The following SQOR variants were observed in gnomAD, a reference collection of about 807,000 sequenced individuals.
SQOR encodes the protein sulfide:quinone oxidoreductase, mitochondrial.
In SQOR, 39 loss-of-function variants were observed where a neutral mutation model predicts 48.6. The observed-to-expected ratio is 0.80, with a 90% CI of 0.62 to 1.05. The LOEUF (loss-of-function observed/expected upper bound fraction) is 1.05, where lower values mean the gene tolerates loss of function less well. Ranked by LOEUF, SQOR falls within the 50% of genes least tolerant of loss-of-function variation. The pLI, the probability that SQOR is intolerant of heterozygous loss-of-function variation, is 0.00. For synonymous variants in SQOR, 220 were observed against 206.2 expected (o/e 1.07, Z -0.57); for missense variants, 561 against 559.9 (o/e 1.00, Z -0.02).
In SQOR at chr15:45,673,647, G is replaced by A; in HGVS notation, c.500G>A (p.Gly167Glu). 6.2e-7 allele frequency: 1 copy of A among 1,614,146 alleles called. No individual in the cohort carries two copies. Among genetic ancestry groups the A allele is most frequent in the Non-Finnish European group, 8.5e-7 (1 of 1,180,024 alleles). The change falls in exon 5 of 10, where the codon GGG becomes GAG. Residue 167 changes from glycine to glutamate, a missense_variant. Coordinates refer to ENST00000260324, the MANE Select transcript of SQOR (RefSeq NM_021199.4). Reference protein sequence around the residue: ...LPEGFAHPKIGSNYSVKTVEK... With the variant: ...LPEGFAHPKIESNYSVKTVEK... ...GAAGGTTTCGCTCATCCCAAAATAG[G>A]GTCGAATTATTCAGTTAAGACTGTA...
intron 6 of SQOR, among the ~76,000 whole-genome samples, chr15:45,680,806 A>G (rs550756808): frequency 6.6e-6 from 1 of 152,282 alleles, no homozygotes; most frequent in East Asian, 1.9e-4. Context: ...ATATGAAAGT[A>G]TTTAGCTTTT....
chr15:45,643,952 A>G (rs1310448605), intron 1 of SQOR, among the ~76,000 whole-genome samples: 2 of 152,238 alleles, frequency 1.3e-5, no homozygotes, highest in Non-Finnish European at 2.9e-5. Context: ...TTACTGCCTT[A>G]AAAACTCAAA....
rs188827067 is a variant in SQOR, at chr15:45,664,744, C to G, written c.405+2619C>G. 3.9e-5 allele frequency among the ~76,000 whole-genome samples: 6 copies of G among 152,182 alleles called. No homozygotes were observed. In the East Asian group the frequency reaches 1.2e-3, roughly 29 times the overall value. On this transcript the variant is annotated intron_variant, in intron 3 of 9. Transcript: ENST00000260324. ...CATGACCCACGATCAAGTCAGGCTT[C>G]CCCCATCCTGAAAAAGTATAGTTGT...
At chr15:45,680,777 C>G (rs1890113106) in intron 6 of SQOR, among the ~76,000 whole-genome samples, 1 of 152,086 alleles carries the variant, frequency 6.6e-6, no homozygotes. Flanking sequence ...AGGTAAAACT[C>G]CATACCTTTA....
intron 1 of SQOR, among the ~76,000 whole-genome samples, chr15:45,641,671 C>A (rs1895106411): frequency 6.6e-6 from 1 of 152,158 alleles, no homozygotes; most frequent in South Asian, 2.1e-4. Context: ...CAGAGGTGTG[C>A]CAAGAGGAAG....
chr15:45,651,037 A>G (rs920757500), intron 1 of SQOR, among the ~76,000 whole-genome samples: 1 of 151,944 alleles, frequency 6.6e-6, no homozygotes, highest in African/African-American at 2.4e-5. Context: ...TGGGCGGTCA[A>G]TGGGACAGGG....
chr15:45,633,390 T>C (rs1894932587), upstream of SQOR, among the ~76,000 whole-genome samples: 1 of 152,168 alleles, frequency 6.6e-6, no homozygotes, highest in Non-Finnish European at 1.5e-5. Context: ...ACCAGAGTTA[T>C]TTGCCATTTC....
chr15:45,652,672 C>T (rs72715010), intron 1 of SQOR, among the ~76,000 whole-genome samples: 11,318 of 99,692 alleles, frequency 0.11, 638 homozygotes, highest in Middle Eastern at 0.32. Flanking sequence ...TTTGCCTTCT[C>T]GTTAAGATTG....
chr15:45,658,641 T>C (rs1374032542), intron 1 of SQOR, among the ~76,000 whole-genome samples: 2 of 151,924 alleles, frequency 1.3e-5, no homozygotes, highest in East Asian at 1.9e-4. Flanking sequence ...ACTTAAAGAG[T>C]TGGGGAACCT....
chr15:45,638,179 A>C (rs1369299303), intron 1 of SQOR, among the ~76,000 whole-genome samples: 1 of 152,262 alleles, frequency 6.6e-6, no homozygotes. Flanking sequence ...GAAATTTAGA[A>C]CACACTGGGA....
intron 7 of SQOR, among the ~76,000 whole-genome samples, 194 bp downstream of exon 7, chr15:45,682,855 C>T (rs561424124): frequency 6.6e-6 from 1 of 152,092 alleles, no homozygotes; most frequent in South Asian, 2.1e-4. Flanking sequence ...TGGTGAAACC[C>T]CGTCTCTACT....
chr15:45,650,413 G>A (rs567345435), intron 1 of SQOR, among the ~76,000 whole-genome samples: 6 of 152,270 alleles, frequency 3.9e-5, no homozygotes, highest in South Asian at 2.1e-4. Context: ...TGGTGGGTTC[G>A]TGGTCTCCCT....
At chr15:45,648,728 A>G (rs1889402205) in intron 1 of SQOR, among the ~76,000 whole-genome samples, 2 of 152,224 alleles carry the variant, frequency 1.3e-5, no homozygotes, top group Non-Finnish European at 2.9e-5. Context: ...ACAGGAAGCT[A>G]CAGAGATCCA....
At chr15:45,647,549 ACT>A (rs1229316508) in intron 1 of SQOR, among the ~76,000 whole-genome samples, 7 of 151,498 alleles carry the variant, frequency 4.6e-5, no homozygotes, top group Admixed American at 4.6e-4. Context: ...CTGGTCTCGA[ACT>A]CCTGAGCTCA....
intron 1 of SQOR, among the ~76,000 whole-genome samples, chr15:45,643,097 C>T (rs996861599): frequency 2.0e-5 from 3 of 152,198 alleles, no homozygotes; most frequent in Non-Finnish European, 2.9e-5. Flanking sequence ...AGCCTCAATG[C>T]CCTAGCTAAA....
At chr15:45,638,707 A>G (rs966744110) in intron 1 of SQOR, among the ~76,000 whole-genome samples, 2 of 152,058 alleles carry the variant, frequency 1.3e-5, no homozygotes, top group Non-Finnish European at 2.9e-5. Flanking sequence ...AGCCTGCGCA[A>G]CAGAGCAAGA....
intron 7 of SQOR, among the ~76,000 whole-genome samples, chr15:45,688,021 GAC>G (rs767705173): frequency 3.3e-5 from 5 of 152,140 alleles, no homozygotes; most frequent in Admixed American, 6.6e-5. Flanking sequence ...TGACTAAGTG[GAC>G]ACACAGACTA....
chr15:45,685,717 C>T (rs928227970), intron 7 of SQOR, among the ~76,000 whole-genome samples: 3 of 152,202 alleles, frequency 2.0e-5, no homozygotes, highest in Non-Finnish European at 4.4e-5. Flanking sequence ...GCTGTGGCCT[C>T]CTCAAGTGTT....
At chr15:45,646,648 T>A (rs928116717) in intron 1 of SQOR, among the ~76,000 whole-genome samples, 9 of 152,188 alleles carry the variant, frequency 5.9e-5, no homozygotes, top group Non-Finnish European at 1.3e-4. Flanking sequence ...TCTGACATAG[T>A]TTTTTTAAAT....
Sources: gnomAD v4.1 joint callset for allele counts (sites outside exome capture counted in the v4.1 genomes callset) on GRCh38, gnomAD v4.1.1 for gene constraint, MANE v1.5 for transcripts, NCBI Gene and HGNC (gene_info 2026-07-23, HGNC 2026-07-21) for gene names.